CLTA: variants seen among roughly 807,000 people sequenced by gnomAD.
CLTA encodes the protein clathrin, light polypeptide (Lca).
CLTA carries 9 observed loss-of-function variants against 26.9 expected under a neutral mutation model. The ratio of observed to expected loss-of-function variants is 0.33; its 90% confidence interval spans 0.20 to 0.58. The LOEUF (loss-of-function observed/expected upper bound fraction) is 0.58, where lower values mean the gene tolerates loss of function less well. CLTA is among the 20% of genes least tolerant of loss of function. The pLI, the probability that CLTA is intolerant of heterozygous loss-of-function variation, is 0.85. For missense variants in CLTA, 278 were observed against 294.2 expected (o/e 0.94, Z 0.40); for synonymous variants, 120 against 115.5 (o/e 1.04, Z -0.25).
chr9:36,197,417 A>G (rs1827121125), intron 1 of CLTA, 134 bp from the exon 2 acceptor site: 2 of 603,706 alleles, frequency 3.3e-6, no homozygotes, highest in Non-Finnish European at 5.9e-6. Context: ...TTTGTTGTAT[A>G]TAGCACCTAC....
chr9:36,192,915 C>G (rs12683072), intron 1 of CLTA, among the ~76,000 whole-genome samples: 17,926 of 152,190 alleles, frequency 0.12, 1,204 homozygotes, highest in African/African-American at 0.17. Flanking sequence ...TGTCCTGATT[C>G]AAGGACAGTG....
intron 4 of CLTA, chr9:36,210,682 GC>G: frequency 6.2e-7 from 1 of 1,613,850 alleles, no homozygotes; most frequent in Non-Finnish European, 8.5e-7. Context: ...CTTTCTCACT[GC>G]CCCTAACTGT....
intron 1 of CLTA, among the ~76,000 whole-genome samples, chr9:36,195,761 G>A (rs1172709664): frequency 6.6e-6 from 1 of 152,160 alleles, no homozygotes; most frequent in Non-Finnish European, 1.5e-5. Context: ...GAGGTCAGGA[G>A]TTTGAGACCA....
At chr9:36,197,476 G>C in intron 1 of CLTA, 75 bp from the exon 2 acceptor site, 1 of 979,038 alleles carries the variant, frequency 1.0e-6, no homozygotes, top group South Asian at 1.4e-5. Context: ...ATATGATGCT[G>C]TATTCTACTG....
chr9:36,196,538 T>G (rs190775853), intron 1 of CLTA, among the ~76,000 whole-genome samples: 108 of 151,566 alleles, frequency 7.1e-4, no homozygotes, highest in Non-Finnish European at 1.4e-3. Flanking sequence ...TATATGGAGG[T>G]GGGTTTCACC....
intron 3 of CLTA, 165 bp from the exon 4 acceptor site, chr9:36,203,903 C>G (rs549272665): frequency 4.6e-4 from 225 of 484,016 alleles, no homozygotes; most frequent in Non-Finnish European, 5.7e-4. Flanking sequence ...GTTGTGCAAA[C>G]AGAGAAAACA....
At chr9:36,191,476 C>G (rs1414069891) in intron 1 of CLTA, among the ~76,000 whole-genome samples, 1 of 152,192 alleles carries the variant, frequency 6.6e-6, no homozygotes, top group East Asian at 1.9e-4. Context: ...TTGAGTGCTT[C>G]TGGGCGCGGG....
intron 3 of CLTA, among the ~76,000 whole-genome samples, chr9:36,203,090 C>T (rs1827511170): frequency 6.6e-6 from 1 of 152,102 alleles, no homozygotes; most frequent in African/African-American, 2.4e-5. Flanking sequence ...GCCTCGGCCT[C>T]CCAAAGTGTT....
intron 3 of CLTA, among the ~76,000 whole-genome samples, chr9:36,202,252 G>C (rs1379353143): frequency 6.6e-6 from 1 of 152,150 alleles, no homozygotes; most frequent in Non-Finnish European, 1.5e-5. Flanking sequence ...AAACTTGGGG[G>C]AGTTTCTAGC....
At chr9:36,195,046 T>C (rs1826940636) in intron 1 of CLTA, among the ~76,000 whole-genome samples, 1 of 152,204 alleles carries the variant, frequency 6.6e-6, no homozygotes, top group Admixed American at 6.5e-5. Flanking sequence ...TATTAGTGGA[T>C]AGTTGGTATG....
At chr9:36,194,645 G>C (rs139049292) in intron 1 of CLTA, among the ~76,000 whole-genome samples, 26 of 152,332 alleles carry the variant, frequency 1.7e-4, no homozygotes, top group Middle Eastern at 3.4e-3. Context: ...AATGTTTCTG[G>C]AATGTGGAAA....
intron 3 of CLTA, among the ~76,000 whole-genome samples, chr9:36,199,776 A>G (rs1346859206): frequency 2.0e-5 from 3 of 152,284 alleles, no homozygotes; most frequent in South Asian, 4.2e-4. Context: ...TTGAAGGCTA[A>G]ATGAATTTAA....
chr9:36,207,250 T>G (rs909882218), intron 4 of CLTA, among the ~76,000 whole-genome samples: 1 of 152,218 alleles, frequency 6.6e-6, no homozygotes, highest in Non-Finnish European at 1.5e-5. Flanking sequence ...AGCTGTGAAT[T>G]ATTCAGTGAC....
Position 36,210,543 on chromosome 9 carries a change from G to T in CLTA, c.486-1060G>T. The T allele has an allele frequency of 2.5e-6, 4 of 1,606,770 alleles. No homozygotes were observed. In the South Asian group the frequency reaches 4.5e-5, roughly 18 times the overall value. On this transcript the variant is annotated intron_variant, in intron 4 of 4. Coordinates refer to ENST00000345519, the MANE Select transcript of CLTA (RefSeq NM_001833.4). ...GTGGCAAGGGCATGTCCAGCTTACT[G>T]ACCATCTGCATTGAGCTCATTCTCA...
chr9:36,201,618 C>G (rs917697332), intron 3 of CLTA, among the ~76,000 whole-genome samples: 3 of 152,038 alleles, frequency 2.0e-5, no homozygotes, highest in East Asian at 1.9e-4. Context: ...ATGTTAACAT[C>G]AAAATACATT....
At chr9:36,198,077 A>G (rs543997726) in intron 2 of CLTA, among the ~76,000 whole-genome samples, 103 of 145,986 alleles carry the variant, frequency 7.1e-4, no homozygotes, top group African/African-American at 1.9e-3. Context: ...TCTCATTGCA[A>G]CCTCCACCTT....
intron 3 of CLTA, among the ~76,000 whole-genome samples, chr9:36,200,035 A>C (rs980693278): frequency 2.0e-5 from 3 of 152,208 alleles, no homozygotes; most frequent in Non-Finnish European, 4.4e-5. Flanking sequence ...GTGCGTGGCC[A>C]TCTAGCCACA....
At chr9:36,191,323 TC>T in intron 1 of CLTA, 50 bp downstream of exon 1, 1 of 1,463,594 alleles carries the variant, frequency 6.8e-7, no homozygotes, top group Non-Finnish European at 9.0e-7. Flanking sequence ...GGAAACTCGG[TC>T]CACAGTGGGT....
chr9:36,197,719 T>C, intron 2 of CLTA, 131 bp downstream of exon 2: 1 of 665,534 alleles, frequency 1.5e-6, no homozygotes, highest in Non-Finnish European at 2.6e-6. Context: ...TGGTGTGTTA[T>C]CTACCAAAGT....
Sources: allele counts gnomAD v4.1 joint callset (sites outside exome capture counted in the v4.1 genomes callset), GRCh38; gene constraint gnomAD v4.1.1; transcripts MANE v1.5; gene names NCBI Gene and HGNC (gene_info 2026-07-23, HGNC 2026-07-21).